VRK3: variants seen among roughly 807,000 people sequenced by gnomAD.
VRK3 encodes the protein serine/threonine-protein kinase VRK3.
Under a neutral mutation model 60.4 loss-of-function variants are expected in VRK3, and 50 were observed. The observed-to-expected ratio is 0.83, with a 90% CI of 0.66 to 1.05. VRK3 has a LOEUF of 1.05. VRK3 is among the 50% of genes least tolerant of loss of function. The pLI, the probability that VRK3 is intolerant of heterozygous loss-of-function variation, is 0.00. For missense variants in VRK3, 549 were observed against 585.3 expected (o/e 0.94, Z 0.64); for synonymous variants, 246 against 227.8 (o/e 1.08, Z -0.72).
At chr19:49,996,365 T>C (rs181179056) in intron 7 of VRK3, among the ~76,000 whole-genome samples, 1 of 152,254 alleles carries the variant, frequency 6.6e-6, no homozygotes, top group East Asian at 1.9e-4. Flanking sequence ...CTGCATTTGC[T>C]AATTTCTGCA....
chr19:49,981,813 C>A (rs142006458), intron 12 of VRK3: 5 of 1,148,816 alleles, frequency 4.4e-6, no homozygotes, highest in East Asian at 5.5e-5. Context: ...CACACACACA[C>A]GCACACTGGT....
chr19:50,000,451 C>T (rs533710862), intron 6 of VRK3: 11 of 359,588 alleles, frequency 3.1e-5, no homozygotes, highest in East Asian at 2.0e-4. Flanking sequence ...GAGCACGCTG[C>T]GAGGCCGGTG....
intron 7 of VRK3, among the ~76,000 whole-genome samples, chr19:49,995,568 G>T (rs2076687418): frequency 6.6e-6 from 1 of 152,006 alleles, no homozygotes; most frequent in African/African-American, 2.4e-5. Flanking sequence ...GGTTACTTCC[G>T]AATTCACACA....
intron 5 of VRK3, chr19:50,001,557 T>G (rs1345540939): frequency 6.6e-6 from 1 of 152,360 alleles, no homozygotes; most frequent in Non-Finnish European, 1.5e-5. Context: ...CTCCTGCTCC[T>G]TACCCCCTCC....
At chr19:50,017,211 A>C (rs1405920693) in intron 2 of VRK3, among the ~76,000 whole-genome samples, 1 of 151,900 alleles carries the variant, frequency 6.6e-6, no homozygotes, top group Admixed American at 6.6e-5. Context: ...AACAAAACAA[A>C]CAGCAGCAAC....
Position 49,992,861 on chromosome 19 carries a change from T to C in VRK3, c.962A>G (p.Gln321Arg). ...GAGTGGGCAGGAGCTGGCTCTTACC[T>C]GACTCTGGTCCTCTGGATCCACAAA... ...NIFVDPEDQS[Q>R]VTLAGYGFAF... Residue 321 changes from glutamine to arginine, a missense_variant and splice_region_variant, in exon 10 of 15, where the codon CAG (glutamine) becomes CGG (arginine). Coordinates refer to ENST00000316763, the MANE Select transcript of VRK3 (RefSeq NM_016440.4). 6.2e-7 allele frequency: 1 copy of C among 1,614,080 alleles called. No individual in the cohort carries two copies. The highest frequency in any genetic ancestry group is 8.5e-7 in the Non-Finnish European group (1 of 1,180,012).
chr19:49,992,568 G>A (rs2076629289), intron 10 of VRK3, among the ~76,000 whole-genome samples: 1 of 152,144 alleles, frequency 6.6e-6, no homozygotes, highest in Non-Finnish European at 1.5e-5. Context: ...TTTGTTCAAA[G>A]GGTGAAAATA....
intron 10 of VRK3, among the ~76,000 whole-genome samples, chr19:49,991,762 G>A (rs2076616314): frequency 6.6e-6 from 1 of 152,210 alleles, no homozygotes. Context: ...AGCATGAGGA[G>A]TCCAGAGATG....
chr19:50,020,298 C>T (rs1008814005), intron 2 of VRK3, among the ~76,000 whole-genome samples: 4 of 152,214 alleles, frequency 2.6e-5, no homozygotes, highest in Non-Finnish European at 5.9e-5. Context: ...GCCTCAGCCT[C>T]CCAAAGTGCT....
intron 2 of VRK3, among the ~76,000 whole-genome samples, chr19:50,017,904 T>C (rs1034792599): frequency 2.0e-5 from 3 of 152,160 alleles, no homozygotes; most frequent in Admixed American, 1.3e-4. Context: ...CCAGCAATCC[T>C]CCGGCCTCAG....
intron 14 of VRK3, among the ~76,000 whole-genome samples, chr19:49,977,755 C>G (rs1178224930): frequency 6.6e-6 from 1 of 152,102 alleles, no homozygotes; most frequent in Non-Finnish European, 1.5e-5. Context: ...CACGGAGGAG[C>G]TGTGTATCGA....
rs2076915514 is a variant in VRK3 at position 50,007,450 on chromosome 19, C to G, written c.547+119G>C. The stretch of plus-strand genomic sequence containing the variant: ...AGTCCAAGGTCTAAGAGAAAGTTGC[C>G]TAGCGACAGGTCTGCAGCTAGGGAT... On this transcript the variant is annotated intron_variant, in intron 5 of 14. Coordinates refer to ENST00000316763, the MANE Select transcript of VRK3 (RefSeq NM_016440.4). The G allele has an allele frequency of 6.8e-6, 10 of 1,481,178 alleles. No homozygotes were observed. In the East Asian group the frequency reaches 2.3e-4, roughly 34 times the overall value. The allele number at this position is 1,481,178 out of a possible 1,614,324, so 91.8% of individuals were successfully genotyped here.
chr19:50,021,717 T>G (rs1032009330), intron 1 of VRK3, among the ~76,000 whole-genome samples: 4 of 152,356 alleles, frequency 2.6e-5, no homozygotes, highest in South Asian at 2.1e-4. Context: ...ACCAGTGAAT[T>G]GTGGGACGAT....
intron 6 of VRK3, chr19:49,997,862 C>T (rs1166935989): frequency 7.3e-6 from 2 of 275,618 alleles, no homozygotes; most frequent in Non-Finnish European, 1.4e-5. Flanking sequence ...GAGGACTGAC[C>T]ACATGACCAA....
chr19:49,998,329 A>G (rs1001103651), intron 6 of VRK3: 1 of 151,992 alleles, frequency 6.6e-6, no homozygotes, highest in African/African-American at 2.4e-5. Context: ...TCTACTAAAA[A>G]TACGAAAATT....
intron 5 of VRK3, among the ~76,000 whole-genome samples, chr19:50,006,828 ATAAT>A (rs1247219082): frequency 6.6e-6 from 1 of 152,230 alleles, no homozygotes; most frequent in East Asian, 1.9e-4. Context: ...TACTACTGCC[ATAAT>A]TATTTTCCTC....
intron 12 of VRK3, among the ~76,000 whole-genome samples, chr19:49,984,788 C>A (rs7260478): frequency 6.6e-6 from 1 of 152,026 alleles, no homozygotes; most frequent in Non-Finnish European, 1.5e-5. Flanking sequence ...CGTGCCACCA[C>A]ACCCGGCTAC....
intron 12 of VRK3, 68 bp downstream of exon 12, chr19:49,988,304 T>TG: frequency 6.4e-7 from 1 of 1,562,552 alleles, no homozygotes; most frequent in Non-Finnish European, 8.7e-7. Context: ...AGTTGGGCTC[T>TG]GGGCTTCTGT....
chr19:50,005,412 T>C (rs776336104), intron 5 of VRK3, among the ~76,000 whole-genome samples: 3 of 149,574 alleles, frequency 2.0e-5, no homozygotes, highest in Non-Finnish European at 4.4e-5. Context: ...GTTTCAAGCT[T>C]TTCCTGGAAA....
Sources: gnomAD v4.1 joint callset for allele counts (sites outside exome capture counted in the v4.1 genomes callset) on GRCh38, gnomAD v4.1.1 for gene constraint, MANE v1.5 for transcripts, NCBI Gene and HGNC (gene_info 2026-07-23, HGNC 2026-07-21) for gene names.